Variants in BNC2 observed in about 807,000 individuals in gnomAD.
BNC2 encodes the protein zinc finger protein basonuclin-2.
A neutral mutation model predicts 76.3 loss-of-function variants in BNC2; 20 were observed. The ratio of observed to expected loss-of-function variants is 0.26; its 90% CI spans 0.18 to 0.38. The LOEUF (loss-of-function observed/expected upper bound fraction) is 0.38. Among genes scored for constraint, BNC2 ranks in the 10% least tolerant of loss-of-function variants. The pLI is 1.00. For missense variants in BNC2, 1,382 were observed against 1,399.8 expected, an observed-to-expected ratio of 0.99 and a Z score of 0.20; for synonymous variants, 582 against 514.8, an observed-to-expected ratio of 1.13 and a Z score of -1.77.
At chr9:16,841,155 G>A (rs904227874) in intron 1 of BNC2, among the ~76,000 whole-genome samples, 4 of 152,158 alleles carry the variant, frequency 2.6e-5, no homozygotes, top group Admixed American at 6.5e-5. Context: ...AAGCAAATCT[G>A]AAAGATATCC....
At chr9:16,698,713 G>A (rs1490715343) in intron 3 of BNC2, among the ~76,000 whole-genome samples, 1 of 151,906 alleles carries the variant, frequency 6.6e-6, no homozygotes, top group Non-Finnish European at 1.5e-5. Context: ...AAGCCATGAT[G>A]AATACCTATA....
intron 5 of BNC2, among the ~76,000 whole-genome samples, chr9:16,462,175 C>A (rs1284248213): frequency 6.6e-6 from 1 of 152,212 alleles, no homozygotes; most frequent in Non-Finnish European, 1.5e-5. Context: ...GATTTCCTCA[C>A]TCACGTTCTT....
intron 3 of BNC2, among the ~76,000 whole-genome samples, chr9:16,673,022 T>C (rs1358862973): frequency 6.6e-6 from 1 of 152,194 alleles, no homozygotes; most frequent in East Asian, 1.9e-4. Flanking sequence ...CGAGCTGGAA[T>C]CCCTGTTTAG....
At chr9:16,711,469 A>C (rs1430799981) in intron 3 of BNC2, among the ~76,000 whole-genome samples, 2 of 152,244 alleles carry the variant, frequency 1.3e-5, no homozygotes, top group African/African-American at 4.8e-5. Context: ...GGAAAAAAAG[A>C]ACAGCATGAA....
rs1277217483 is a variant in BNC2 at position 16,563,396 on chromosome 9, A to G, written c.434-10631T>C. Among the ~76,000 whole-genome samples, 5 of 152,198 alleles carry G rather than the reference A, an allele frequency of 3.3e-5. No homozygotes were observed. The East Asian group carries it at 9.6e-4, about 29-fold the overall frequency. On this transcript the variant is annotated intron_variant, in intron 4 of 6. Coordinates refer to ENST00000380672, the MANE Select transcript of BNC2 (RefSeq NM_017637.6). ...CACTTTGGGAGGCCTAGGAGGACAG[A>G]TCACTTGAGGCCAAGAGTTCGAGAC...
At chr9:16,761,387 ATAT>A (rs1015708106) in intron 1 of BNC2, among the ~76,000 whole-genome samples, 17 of 152,352 alleles carry the variant, frequency 1.1e-4, no homozygotes, top group African/African-American at 4.1e-4. Flanking sequence ...TGAAAAACTA[ATAT>A]TATACCTATA....
rs1366894146 is a variant in BNC2 at position 16,431,429 on chromosome 9, T to G, written c.2639+4126A>C. 3 of 470,216 alleles carry G rather than the reference T, an allele frequency of 6.4e-6. No homozygotes were observed. In the Admixed American group the frequency reaches 7.0e-5, roughly 11 times the overall value. 29.1% of individuals were successfully genotyped at this position (470,216 alleles called of 1,614,324 possible). ...AGCTAATTCTGACTATCACGCTCTCTTCAAGAGAATCTCCCGTATGAAGAC... is the reference window on the plus strand; with the variant it reads ...AGCTAATTCTGACTATCACGCTCTCGTCAAGAGAATCTCCCGTATGAAGAC... On this transcript the variant is annotated intron_variant, in intron 6 of 6. Coordinates refer to ENST00000380672, the MANE Select transcript of BNC2 (RefSeq NM_017637.6).
At chr9:16,507,905 G>C (rs1822666113) in intron 5 of BNC2, among the ~76,000 whole-genome samples, 1 of 152,118 alleles carries the variant, frequency 6.6e-6, no homozygotes, top group Non-Finnish European at 1.5e-5. Context: ...TTCCAAAATA[G>C]AGTTAAATGG....
chr9:16,506,022 G>T (rs1205527871), intron 5 of BNC2, among the ~76,000 whole-genome samples: 5 of 152,154 alleles, frequency 3.3e-5, no homozygotes, highest in Non-Finnish European at 5.9e-5. Flanking sequence ...TTAGTCCAAA[G>T]ACTTAGTAAG....
intron 3 of BNC2, among the ~76,000 whole-genome samples, chr9:16,600,464 GGTGT>G (rs1313229513): frequency 6.6e-6 from 1 of 152,048 alleles, no homozygotes; most frequent in Admixed American, 6.5e-5. Flanking sequence ...ATTTTAAGTG[GGTGT>G]GTATTTGTAC....
intron 5 of BNC2, among the ~76,000 whole-genome samples, chr9:16,529,760 A>T (rs556741024): frequency 1.3e-5 from 2 of 152,160 alleles, no homozygotes; most frequent in East Asian, 1.9e-4. Flanking sequence ...CCTTAATCCA[A>T]CCTTCTATGA....
intron 5 of BNC2, among the ~76,000 whole-genome samples, chr9:16,506,513 CTTTTTTTTT>C (rs568955982): frequency 4.2e-4 from 18 of 43,344 alleles, no homozygotes; most frequent in African/African-American, 8.9e-4. Context: ...TCTCTCTCCT[CTTTTTTTTT>C]TTTTTTTTTT....
chr9:16,854,422 G>C (rs147178086), intron 1 of BNC2, among the ~76,000 whole-genome samples: 1 of 152,212 alleles, frequency 6.6e-6, no homozygotes, highest in East Asian at 1.9e-4. Flanking sequence ...ACTCCCTCTT[G>C]ATTTCTAGAG....
At chr9:16,511,581 C>T (rs896461105) in intron 5 of BNC2, among the ~76,000 whole-genome samples, 1 of 151,756 alleles carries the variant, frequency 6.6e-6, no homozygotes, top group Non-Finnish European at 1.5e-5. Context: ...GTGTAAGCCA[C>T]CATGCCTGGC....
At chr9:16,611,498 C>T (rs1820544052) in intron 3 of BNC2, among the ~76,000 whole-genome samples, 1 of 152,118 alleles carries the variant, frequency 6.6e-6, no homozygotes, top group Admixed American at 6.6e-5. Flanking sequence ...GGTTCCCAAG[C>T]AGCTCCCAAG....
At chr9:16,649,048 T>C (rs558756166) in intron 3 of BNC2, among the ~76,000 whole-genome samples, 1 of 152,320 alleles carries the variant, frequency 6.6e-6, no homozygotes, top group South Asian at 2.1e-4. Flanking sequence ...ATCTTTGATA[T>C]GTAAGTGTGT....
At chr9:16,785,575 T>C (rs75779199) in intron 1 of BNC2, among the ~76,000 whole-genome samples, 1 of 150,154 alleles carries the variant, frequency 6.7e-6, no homozygotes, top group East Asian at 2.0e-4. Context: ...TTTTTTTTTT[T>C]TTAGTAGAGG....
intron 5 of BNC2, among the ~76,000 whole-genome samples, chr9:16,536,055 C>T (rs572895883): frequency 4.6e-5 from 7 of 152,092 alleles, no homozygotes; most frequent in Non-Finnish European, 8.8e-5. Flanking sequence ...CAGCTCACTG[C>T]AGATATGCCC....
At chr9:16,529,390 A>G (rs1005404350) in intron 5 of BNC2, among the ~76,000 whole-genome samples, 1 of 152,222 alleles carries the variant, frequency 6.6e-6, no homozygotes, top group Non-Finnish European at 1.5e-5. Flanking sequence ...CATGATAATG[A>G]TAACATATGG....
Sources: gnomAD v4.1 joint callset for allele counts (sites outside exome capture counted in the v4.1 genomes callset) on GRCh38, gnomAD v4.1.1 for gene constraint, MANE v1.5 for transcripts, NCBI Gene and HGNC (gene_info 2026-07-23, HGNC 2026-07-21) for gene names.